Variants in SYNRG observed in about 807,000 individuals in gnomAD.
The protein encoded by SYNRG is AP1 gamma subunit binding protein 1.
Under a neutral mutation model 130.9 loss-of-function variants are expected in SYNRG, and 37 were observed. That is an observed-to-expected ratio of 0.28 (90% CI 0.22 to 0.37). The LOEUF is 0.37. Ranked by LOEUF, SYNRG falls within the 10% of genes least tolerant of loss-of-function variation. The pLI is 1.00. For missense variants in SYNRG, 1,338 were observed against 1,588.9 expected (o/e 0.84, Z 2.68); for synonymous variants, 539 against 568.1 (o/e 0.95, Z 0.73).
intron 14 of SYNRG, among the ~76,000 whole-genome samples, chr17:37,546,475 G>T (rs777471835): frequency 1.3e-5 from 2 of 152,124 alleles, no homozygotes; most frequent in Non-Finnish European, 2.9e-5. Flanking sequence ...AAATGTATAC[G>T]ATCTGTTTTC....
intron 3 of SYNRG, among the ~76,000 whole-genome samples, chr17:37,594,410 T>A (rs1314496044): frequency 2.0e-5 from 3 of 149,742 alleles, no homozygotes; most frequent in African/African-American, 7.3e-5. Context: ...TAATTTAAAA[T>A]ACATTGTATT....
chr17:37,542,234 A>G lies in SYNRG; in HGVS notation c.2940T>C (p.Tyr980=), dbSNP rs1240144478. ...TGAAATCTTTATAGTCTCTGTTTTC[A>G]TATTCCTTTTGCTCACTGGTCTGAG... is the stretch of plus-strand genomic sequence containing the variant. The part of the protein sequence containing the change: ...TIPQTSEQKE[Y]ENRDYKDFTK... Residue 980 remains tyrosine (Y), a synonymous_variant, in exon 15 of 22, where the codon TAT becomes TAC. Coordinates refer to ENST00000612223, the MANE Select transcript of SYNRG (RefSeq NM_007247.6). The G allele has an allele frequency of 1.2e-6, 2 of 1,614,094 alleles. No homozygotes were observed. Among genetic ancestry groups the G allele is most frequent in the African/African-American group, 2.7e-5 (2 of 74,920 alleles).
chr17:37,601,423 G>GT (rs1241428382), intron 1 of SYNRG, among the ~76,000 whole-genome samples: 1 of 151,960 alleles, frequency 6.6e-6, no homozygotes, highest in Non-Finnish European at 1.5e-5. Context: ...GTTGTCAGAG[G>GT]TTTTATTGTT....
At chr17:37,589,847 A>G (rs1336998724) in intron 3 of SYNRG, among the ~76,000 whole-genome samples, 1 of 151,618 alleles carries the variant, frequency 6.6e-6, no homozygotes, top group Non-Finnish European at 1.5e-5. Flanking sequence ...CTGATTCTAA[A>G]GAACAATTCT....
intron 16 of SYNRG, among the ~76,000 whole-genome samples, chr17:37,539,662 T>C (rs1246743402): frequency 6.6e-6 from 1 of 152,186 alleles, no homozygotes; most frequent in African/African-American, 2.4e-5. Flanking sequence ...TGAGCCACCA[T>C]GCCCAGCCGC....
At chr17:37,585,466 C>A in intron 4 of SYNRG, 36 bp from the exon 5 acceptor site, 1 of 1,406,544 alleles carries the variant, frequency 7.1e-7, no homozygotes. Context: ...AACCAGCTCC[C>A]GGGATTATAC....
chr17:37,532,082 AT>A (rs1324815453), intron 19 of SYNRG, among the ~76,000 whole-genome samples: 3 of 152,220 alleles, frequency 2.0e-5, no homozygotes, highest in Admixed American at 6.5e-5. Flanking sequence ...ATTTTCTCAG[AT>A]TTGGAATTAC....
At chr17:37,581,730 G>A (rs1354049715) in intron 6 of SYNRG, among the ~76,000 whole-genome samples, 2 of 150,622 alleles carry the variant, frequency 1.3e-5, no homozygotes, top group East Asian at 1.9e-4. Context: ...GGGAATACAG[G>A]TGTGCACCAC....
intron 18 of SYNRG, among the ~76,000 whole-genome samples, chr17:37,537,784 A>G (rs1297034462): frequency 6.6e-6 from 1 of 152,208 alleles, no homozygotes; most frequent in Non-Finnish European, 1.5e-5. Context: ...GAAAGATTTC[A>G]CTCAGAAGCT....
chr17:37,601,448 T>C (rs902157634), intron 1 of SYNRG, among the ~76,000 whole-genome samples: 1 of 152,194 alleles, frequency 6.6e-6, no homozygotes, highest in African/African-American at 2.4e-5. Context: ...TGGTAACATA[T>C]ACATAACATA....
chr17:37,549,381 T>A (rs921853261), intron 14 of SYNRG, among the ~76,000 whole-genome samples: 1 of 152,202 alleles, frequency 6.6e-6, no homozygotes, highest in African/African-American at 2.4e-5. Flanking sequence ...TGGCCTACGC[T>A]TGTTGCCACA....
intron 1 of SYNRG, among the ~76,000 whole-genome samples, chr17:37,607,032 T>C (rs1319735090): frequency 6.6e-6 from 1 of 152,184 alleles, no homozygotes; most frequent in Non-Finnish European, 1.5e-5. Flanking sequence ...AAAATAATAT[T>C]CCTTTTTCTA....
chr17:37,561,179 G>A lies in SYNRG; in HGVS notation c.1663+16C>T, dbSNP rs2059503994. On this transcript the variant is annotated intron_variant, in intron 13 of 21. Transcript: ENST00000612223. ...AAATGGAAATAATTTATCCTTTTGA[G>A]GACTCAAAAACTTACCTAAAGGTTT... The A allele has an allele frequency of 1.2e-6, 2 of 1,602,880 alleles. No homozygotes were observed. Among genetic ancestry groups the A allele is most frequent in the African/African-American group, 1.3e-5 (1 of 74,226 alleles).
At chr17:37,574,592 C>A (rs2060665383) in intron 8 of SYNRG, among the ~76,000 whole-genome samples, 1 of 152,168 alleles carries the variant, frequency 6.6e-6, no homozygotes, top group Non-Finnish European at 1.5e-5. Flanking sequence ...ATGGGCAAGA[C>A]AACTGAACAG....
chr17:37,517,852 A>G lies in SYNRG; in HGVS notation c.*1088T>C, dbSNP rs1013544988. On this transcript the variant is annotated 3_prime_UTR_variant, in exon 22 of 22. Coordinates refer to ENST00000612223, the MANE Select transcript of SYNRG (RefSeq NM_007247.6). ...TTGGGTTTTTCCCCTAATTTTATGCATTCACATTAAATGGCAAAGACAATT... is the reference window on the plus strand; with the variant it reads ...TTGGGTTTTTCCCCTAATTTTATGCGTTCACATTAAATGGCAAAGACAATT... 2.0e-5 allele frequency: 3 copies of G among 152,160 alleles called. No homozygotes were observed. Among genetic ancestry groups the G allele is most frequent in the Non-Finnish European group, 2.9e-5 (2 of 68,028 alleles). 9.4% of individuals were successfully genotyped at this position (152,160 alleles called of 1,614,324 possible).
intron 19 of SYNRG, among the ~76,000 whole-genome samples, chr17:37,522,047 A>C (rs1165712118): frequency 6.6e-6 from 1 of 152,026 alleles, no homozygotes; most frequent in African/African-American, 2.4e-5. Flanking sequence ...GAAGGTCACC[A>C]GCTAAAGACC....
chr17:37,555,156 C>G (rs987288139), intron 13 of SYNRG, among the ~76,000 whole-genome samples: 2 of 151,524 alleles, frequency 1.3e-5, no homozygotes, highest in African/African-American at 4.8e-5. Flanking sequence ...GACAGAGTTT[C>G]ATTATTGTCG....
chr17:37,577,383 T>G lies in SYNRG; in HGVS notation c.820A>C (p.Ser274Arg). ...GCTGAATGCTTCACGAGCTCACCACTCTCTTCAATTGACAGGTTTTGATCT... is the reference window on the plus strand; with the variant it reads ...GCTGAATGCTTCACGAGCTCACCACGCTCTTCAATTGACAGGTTTTGATCT... ...TSDQNLSIEESGVGVFPSQDP... is the reference protein window; with the variant it reads ...TSDQNLSIEERGVGVFPSQDP... Residue 274 changes from serine (S) to arginine (R), a missense_variant, in exon 7 of 22, where the codon AGT becomes CGT. Ser to Arg is a moderately radical substitution (Grantham distance 110). Transcript: ENST00000612223. The G allele has an allele frequency of 6.2e-7, 1 of 1,614,034 alleles. No homozygotes were observed. The highest frequency in any genetic ancestry group is 8.5e-7 in the Non-Finnish European group (1 of 1,179,886).
rs1471213003 is a variant in SYNRG, at chr17:37,553,469, A to T, written c.2254T>A (p.Ser752Thr). 1 of 1,614,058 alleles carries T rather than the reference A, an allele frequency of 6.2e-7. No homozygotes were observed. Among genetic ancestry groups the T allele is most frequent in the East Asian group, 2.2e-5 (1 of 44,906 alleles). Residue 752 changes from serine (S) to threonine (T), a missense_variant, in exon 14 of 22, where the codon TCT becomes ACT. By Grantham distance (58) the Ser-to-Thr change is moderately conservative. Coordinates refer to ENST00000612223, the MANE Select transcript of SYNRG (RefSeq NM_007247.6). ...STKYDVFRQL[S>T]LEGSGLGVED... Reference sequence around the variant, plus strand: ...ACACCTAGTCCAGACCCTTCCAGAGAAAGTTGTCTGAAGACATCGTACTTG... The same window carrying T: ...ACACCTAGTCCAGACCCTTCCAGAGTAAGTTGTCTGAAGACATCGTACTTG...
Sources: gnomAD v4.1 joint callset for allele counts (sites outside exome capture counted in the v4.1 genomes callset) on GRCh38, gnomAD v4.1.1 for gene constraint, MANE v1.5 for transcripts, NCBI Gene and HGNC (gene_info 2026-07-23, HGNC 2026-07-21) for gene names.